Variants in PARD3 observed in about 807,000 individuals in gnomAD.
PARD3 encodes the protein partitioning defective 3 homolog.
A neutral mutation model predicts 155.4 loss-of-function variants in PARD3; 75 were observed. That is an observed-to-expected ratio of 0.48 (90% confidence interval 0.40 to 0.58). The LOEUF (loss-of-function observed/expected upper bound fraction) is 0.58, where lower values mean the gene tolerates loss of function less well. PARD3 is among the 20% of genes least tolerant of loss of function. The pLI, the probability that PARD3 is intolerant of heterozygous loss-of-function variation, is 0.00. For missense variants in PARD3, 1,642 were observed against 1,721.7 expected, an observed-to-expected ratio of 0.95 and a Z score of 0.82; for synonymous variants, 576 against 610.5, an observed-to-expected ratio of 0.94 and a Z score of 0.83.
At chr10:34,729,700 T>C (rs2094783046) in intron 1 of PARD3, among the ~76,000 whole-genome samples, 1 of 152,090 alleles carries the variant, frequency 6.6e-6, no homozygotes, top group South Asian at 2.1e-4. Flanking sequence ...GCCCCAAAAG[T>C]TTCCACTTAA....
At position 34,276,566 on chromosome 10, in the gene PARD3, C is replaced by T. The variant is rs1294175385; in HGVS notation, c.3177-6667G>A. On this transcript the variant is annotated intron_variant, in intron 21 of 24. Transcript: ENST00000374788. ...TGCTTTTACAATAAATGGCTTTTAG[C>T]ACTAATTGCAGTAGAATAAGATGAA... is the stretch of plus-strand genomic sequence containing the variant. 2.6e-5 allele frequency among the ~76,000 whole-genome samples: 4 copies of T among 152,122 alleles called. 1 individual carries two copies. Among genetic ancestry groups the T allele is most frequent in the Admixed American group, 6.6e-5 (1 of 15,260 alleles).
At chr10:34,778,684 C>T (rs1839889867) in intron 1 of PARD3, among the ~76,000 whole-genome samples, 1 of 152,126 alleles carries the variant, frequency 6.6e-6, no homozygotes, top group Admixed American at 6.6e-5. Flanking sequence ...TTCCTTTCAA[C>T]TCTAAATTCT....
intron 1 of PARD3, among the ~76,000 whole-genome samples, chr10:34,768,731 G>T (rs1207452267): frequency 6.6e-6 from 1 of 152,184 alleles, no homozygotes; most frequent in Non-Finnish European, 1.5e-5. Flanking sequence ...CTTGGCTCTG[G>T]CCCACTTTTC....
At chr10:34,520,736 TAAAC>T (rs2082094953) in intron 2 of PARD3, among the ~76,000 whole-genome samples, 1 of 152,128 alleles carries the variant, frequency 6.6e-6, no homozygotes, top group Admixed American at 6.5e-5. Context: ...ATTTATAAAA[TAAAC>T]AGGCCAAATT....
At chr10:34,261,597 A>G (rs2582854) in intron 22 of PARD3, among the ~76,000 whole-genome samples, 87,717 of 151,606 alleles carry the variant, frequency 0.58, 26,350 homozygotes, top group African/African-American at 0.75. Context: ...GCTGAGGCAG[A>G]AGAATTGCTT....
At chr10:34,546,874 A>T (rs1164857515) in intron 2 of PARD3, among the ~76,000 whole-genome samples, 1 of 152,178 alleles carries the variant, frequency 6.6e-6, no homozygotes, top group East Asian at 1.9e-4. Flanking sequence ...TTCTAGAAGG[A>T]CCCCTGACAG....
At position 34,348,036 on chromosome 10, in the gene PARD3, T is replaced by C. The variant is rs1837609073; in HGVS notation, c.2147A>G (p.His716Arg). The C allele has an allele frequency of 1.2e-6, 2 of 1,613,622 alleles. No homozygotes were observed. The highest frequency in any genetic ancestry group is 1.7e-6 in the Non-Finnish European group (2 of 1,179,790). Residue 716 changes from histidine (H) to arginine (R), a missense_variant, in exon 15 of 25, where the codon CAT becomes CGT. By Grantham distance (29) the His-to-Arg change is conservative. Transcript: ENST00000374788. The stretch of plus-strand genomic sequence containing the variant: ...CCCCTCAATCCCACTGTAGAGGGAA[T>C]GGGAAATTCTTCGTTCTCTATCATC... ...ALDDRERRIS[H>R]SLYSGIEGLD...
At chr10:34,426,495 G>C (rs2075613714) in intron 5 of PARD3, among the ~76,000 whole-genome samples, 2 of 152,222 alleles carry the variant, frequency 1.3e-5, no homozygotes, top group South Asian at 4.2e-4. Flanking sequence ...AATAGTTACA[G>C]TGCTATAGAA....
chr10:34,630,188 T>C (rs921631767), intron 2 of PARD3, among the ~76,000 whole-genome samples: 4 of 152,218 alleles, frequency 2.6e-5, no homozygotes, highest in African/African-American at 9.6e-5. Context: ...GGCCTGCACT[T>C]ACTCGGCATG....
At chr10:34,714,988 G>A (rs1489993329) in intron 1 of PARD3, among the ~76,000 whole-genome samples, 1 of 151,466 alleles carries the variant, frequency 6.6e-6, no homozygotes, top group Non-Finnish European at 1.5e-5. Flanking sequence ...TGGCCAGGAT[G>A]CTTTCCATCT....
At chr10:34,747,601 A>G (rs1202858987) in intron 1 of PARD3, among the ~76,000 whole-genome samples, 1 of 152,184 alleles carries the variant, frequency 6.6e-6, no homozygotes, top group Non-Finnish European at 1.5e-5. Flanking sequence ...ACTTAGCTTC[A>G]AGGGGCTTCC....
At chr10:34,775,027 T>C (rs1265388774) in intron 1 of PARD3, among the ~76,000 whole-genome samples, 1 of 152,128 alleles carries the variant, frequency 6.6e-6, no homozygotes. Context: ...TGAAAACAAG[T>C]GCCAAACAAA....
intron 22 of PARD3, among the ~76,000 whole-genome samples, chr10:34,135,057 T>C (rs1947819655): frequency 6.6e-6 from 1 of 152,308 alleles, no homozygotes; most frequent in African/African-American, 2.4e-5. Flanking sequence ...CATGATTTTT[T>C]TGTGTGAGAA....
chr10:34,786,053 ATG>A (rs1219147212), intron 1 of PARD3, among the ~76,000 whole-genome samples: 1 of 93,654 alleles, frequency 1.1e-5, no homozygotes, highest in African/African-American at 3.6e-5. Context: ...TTCTTCACTC[ATG>A]TGTGTGGTAA....
At chr10:34,377,854 G>A (rs368264272) in intron 10 of PARD3, 113 bp downstream of exon 10, 22 of 719,982 alleles carry the variant, frequency 3.1e-5, no homozygotes, top group Middle Eastern at 3.3e-4. Context: ...GCATACTTCC[G>A]CTAAAATGTA....
chr10:34,763,327 T>C (rs1172150332), intron 1 of PARD3, among the ~76,000 whole-genome samples: 2 of 152,178 alleles, frequency 1.3e-5, no homozygotes, highest in African/African-American at 2.4e-5. Context: ...ATTCCTGAAA[T>C]AGTAACTTTC....
rs146323511 is a variant in PARD3, at chr10:34,128,897, C to T, written c.3540+2566G>A. On this transcript the variant is annotated intron_variant, in intron 23 of 24. Transcript: ENST00000374788. ...CTCATTAAAAACCAGATTCCTGGGC[C>T]CCACCCGTAAAGGTTTACATCTAGT... Among the ~76,000 whole-genome samples the T allele has an allele frequency of 4.0e-3, 612 of 152,098 alleles. 3 individuals are homozygous for T. Among genetic ancestry groups the T allele is most frequent in the Non-Finnish European group, 6.4e-3 (433 of 67,984 alleles).
intron 1 of PARD3, among the ~76,000 whole-genome samples, chr10:34,763,705 C>T (rs186913836): frequency 2.0e-5 from 3 of 152,118 alleles, no homozygotes; most frequent in Non-Finnish European, 4.4e-5. Flanking sequence ...CTGTGTCTAG[C>T]CCACGGCCAC....
intron 2 of PARD3, among the ~76,000 whole-genome samples, chr10:34,562,739 T>C (rs1015956436): frequency 6.6e-6 from 1 of 152,106 alleles, no homozygotes; most frequent in Non-Finnish European, 1.5e-5. Context: ...CTTTTTAACT[T>C]ATTAAAACTG....
Sources: gnomAD v4.1 joint callset for allele counts (sites outside exome capture counted in the v4.1 genomes callset) on GRCh38, gnomAD v4.1.1 for gene constraint, MANE v1.5 for transcripts, NCBI Gene and HGNC (gene_info 2026-07-23, HGNC 2026-07-21) for gene names.